Variants in RNF175 observed in about 807,000 individuals in gnomAD.
The protein encoded by RNF175 is ring finger protein 175.
In RNF175, 38 loss-of-function variants were observed where a neutral mutation model predicts 50.0. The observed-to-expected ratio is 0.76, with a 90% confidence interval of 0.59 to 1.00. The LOEUF (loss-of-function observed/expected upper bound fraction) is 1.00. Among genes scored for constraint, RNF175 ranks in the 50% least tolerant of loss-of-function variants. The pLI is 0.00. For synonymous variants in RNF175, 155 were observed against 146.1 expected (o/e 1.06, Z -0.44); for missense variants, 388 against 409.6 (o/e 0.95, Z 0.46).
chr4:153,718,878 C>A lies in RNF175; in HGVS notation c.630+1306G>T, dbSNP rs145125347. On this transcript the variant is annotated intron_variant, in intron 6 of 8. Coordinates refer to ENST00000347063, the MANE Select transcript of RNF175 (RefSeq NM_173662.4). ...GGGGAGGAAGTCAAGGTCATAGCCA[C>A]TTAGGTCCTGCTCCAGAAATGGAGG... 4.2e-3 allele frequency among the ~76,000 whole-genome samples: 636 copies of A among 152,294 alleles called. 5 individuals are homozygous for A. Among genetic ancestry groups the A allele is most frequent in the African/African-American group, 0.014 (574 of 41,558 alleles).
rs181124344 is a variant in RNF175 at position 153,715,646 on chromosome 4, C to T, written c.647G>A (p.Arg216Gln). Residue 216 changes from arginine to glutamine, a missense_variant, in exon 7 of 9, where the codon CGG becomes CAG. Transcript: ENST00000347063. ...GTCCGATAAGCTCCTTGTAGGCAACCGGCTGACACTGTAGAACTATCAGAG... is the reference window on the plus strand; with the variant it reads ...GTCCGATAAGCTCCTTGTAGGCAACTGGCTGACACTGTAGAACTATCAGAG... The part of the protein sequence containing the change: ...ASTIGFYSVS[R>Q]LPTRSLSDNI... The T allele has an allele frequency of 6.5e-4, 1,045 of 1,613,820 alleles. 6 individuals carry two copies. The African/African-American group carries it at 0.012, about 18-fold the overall frequency.
chr4:153,748,709 C>T lies in RNF175; in HGVS notation c.182G>A (p.Cys61Tyr), dbSNP rs567256300. The change falls in exon 3 of 9, where the codon TGC becomes TAC. Residue 61 changes from cysteine to tyrosine, a missense_variant. By Grantham distance (194) the Cys-to-Tyr change is radical. Coordinates refer to ENST00000347063, the MANE Select transcript of RNF175 (RefSeq NM_173662.4). ...CACTATCTGGGCAATGACCAGAACGCAGAGGAAGATCAAGATCATTTCCAC... is the reference window on the plus strand; with the variant it reads ...CACTATCTGGGCAATGACCAGAACGTAGAGGAAGATCAAGATCATTTCCAC... ...MHVEMILIFLCVLVIAQIVLV... is the reference protein window; with the variant it reads ...MHVEMILIFLYVLVIAQIVLV... 6.2e-7 allele frequency: 1 copy of T among 1,609,076 alleles called. No individual in the cohort carries two copies. Among genetic ancestry groups the T allele is most frequent in the South Asian group, 1.1e-5 (1 of 89,600 alleles).
chr4:153,721,307 T>A (rs1738328067), intron 5 of RNF175: 1 of 152,188 alleles, frequency 6.6e-6, no homozygotes, highest in Non-Finnish European at 1.5e-5. Context: ...TTCTGATTGA[T>A]TCAGGGAAGG....
At chr4:153,715,258 A>G (rs554721884) in intron 7 of RNF175, 2 of 474,452 alleles carry the variant, frequency 4.2e-6, no homozygotes, top group African/African-American at 3.9e-5. Context: ...TTCCCCTGCC[A>G]GCACCCTGCT....
At chr4:153,739,881 G>C (rs1312426142) in intron 3 of RNF175, among the ~76,000 whole-genome samples, 2 of 152,026 alleles carry the variant, frequency 1.3e-5, no homozygotes, top group Non-Finnish European at 2.9e-5. Flanking sequence ...GTGGTTTGGT[G>C]TCTCCTTAAT....
intron 3 of RNF175, among the ~76,000 whole-genome samples, chr4:153,743,212 G>C (rs1739772260): frequency 6.6e-6 from 1 of 152,168 alleles, no homozygotes; most frequent in Non-Finnish European, 1.5e-5. Flanking sequence ...AAGCTCAAAT[G>C]GTTGCAGACA....
At chr4:153,740,450 C>T (rs1048331764) in intron 3 of RNF175, among the ~76,000 whole-genome samples, 1 of 152,030 alleles carries the variant, frequency 6.6e-6, no homozygotes, top group African/African-American at 2.4e-5. Context: ...CATTTTTTTG[C>T]AGTGAGAACA....
chr4:153,726,902 T>A (rs1412034486), intron 4 of RNF175, among the ~76,000 whole-genome samples: 2 of 152,198 alleles, frequency 1.3e-5, no homozygotes, highest in Admixed American at 6.5e-5. Context: ...TGAGAGGACA[T>A]GCTTTGGGCA....
intron 4 of RNF175, among the ~76,000 whole-genome samples, chr4:153,724,411 T>G (rs990316983): frequency 2.6e-5 from 4 of 152,134 alleles, no homozygotes; most frequent in African/African-American, 9.7e-5. Context: ...AATGAAGAGG[T>G]GGCTAGAAAG....
chr4:153,722,922 T>C (rs1363144646), intron 5 of RNF175, among the ~76,000 whole-genome samples: 1 of 152,210 alleles, frequency 6.6e-6, no homozygotes, highest in African/African-American at 2.4e-5. Flanking sequence ...TTATTTCATA[T>C]TTTAGGTGTT....
At chr4:153,711,810 C>T (rs890434839) in intron 8 of RNF175, among the ~76,000 whole-genome samples, 1 of 152,162 alleles carries the variant, frequency 6.6e-6, no homozygotes, top group Admixed American at 6.5e-5. Context: ...CTTCCTGCGA[C>T]CTTAATGTGA....
Position 153,723,361 on chromosome 4 carries a change from G to T in RNF175, c.499C>A (p.Leu167Met). The change falls in exon 5 of 9, where the codon CTG (leucine) becomes ATG (methionine). Residue 167 changes from leucine (L) to methionine (M), a missense_variant. By Grantham distance (15) the Leu-to-Met change is conservative. Transcript: ENST00000347063. ...ATTGGAGATACTTACTTGAAAAACAGATTGAATCCACACATTGTAAACATG... is the reference window on the plus strand; with the variant it reads ...ATTGGAGATACTTACTTGAAAAACATATTGAATCCACACATTGTAAACATG... The part of the protein sequence containing the change: ...AIMFTMCGFN[L>M]FFKIKARDSM... 2 of 1,537,918 alleles carry T rather than the reference G, an allele frequency of 1.3e-6. No individual in the cohort carries two copies. Among genetic ancestry groups the T allele is most frequent in the South Asian group, 1.1e-5 (1 of 89,030 alleles).
chr4:153,720,232 C>A lies in RNF175; in HGVS notation c.582G>T (p.Gly194=). The A allele has an allele frequency of 6.2e-7, 1 of 1,612,600 alleles. No homozygotes were observed. The highest frequency in any genetic ancestry group is 1.3e-5 in the African/African-American group (1 of 74,718). ...CTGAGCAGATCTCGGCAAAGTCTCT[C>A]CCCATTACTCCATAGTAGAGGCCGT... The part of the protein sequence containing the change: ...LFYGLYYGVM[G]RDFAEICSDY... Residue 194 remains glycine, a synonymous_variant, in exon 6 of 9, where the codon GGG becomes GGT. Transcript: ENST00000347063.
At chr4:153,735,199 G>A (rs183450722) in intron 3 of RNF175, among the ~76,000 whole-genome samples, 9 of 150,930 alleles carry the variant, frequency 6.0e-5, no homozygotes, top group African/African-American at 1.9e-4. Context: ...TTTCTAAAAG[G>A]TGTATTGTAT....
At chr4:153,727,000 C>T (rs10517578) in intron 4 of RNF175, among the ~76,000 whole-genome samples, 7,106 of 152,242 alleles carry the variant, frequency 0.047, 303 homozygotes, top group East Asian at 0.25. Flanking sequence ...CTGCATTGCA[C>T]GAACTGATGT....
chr4:153,731,929 G>A lies in RNF175; in HGVS notation c.247-3568C>T, dbSNP rs145326857. ...CAATGAAGGAGAGTGTGAATATAAA[G>A]CAAGTAGGAAGAAAGTATGGGTTGG... On this transcript the variant is annotated intron_variant, in intron 3 of 8. Transcript: ENST00000347063. Among the ~76,000 whole-genome samples, 35 of 152,102 alleles carry A rather than the reference G, an allele frequency of 2.3e-4. No individual in the cohort carries two copies. In the East Asian group the frequency reaches 6.4e-3, roughly 28 times the overall value.
intron 3 of RNF175, among the ~76,000 whole-genome samples, chr4:153,739,903 A>G (rs1026120412): frequency 1.3e-5 from 2 of 152,128 alleles, no homozygotes; most frequent in South Asian, 2.1e-4. Flanking sequence ...TTGAAAAATT[A>G]TTGGTCATTA....
At chr4:153,726,859 CT>C (rs1354181475) in intron 4 of RNF175, among the ~76,000 whole-genome samples, 2 of 152,188 alleles carry the variant, frequency 1.3e-5, no homozygotes, top group African/African-American at 2.4e-5. Context: ...AGACTATCCT[CT>C]AGGGCTTGGA....
chr4:153,744,151 G>C (rs766322743), intron 3 of RNF175, among the ~76,000 whole-genome samples: 1 of 152,222 alleles, frequency 6.6e-6, no homozygotes, highest in Non-Finnish European at 1.5e-5. Context: ...GCCAGGCGCA[G>C]TGGCTCATAC....
Sources: allele counts gnomAD v4.1 joint callset (sites outside exome capture counted in the v4.1 genomes callset), GRCh38; gene constraint gnomAD v4.1.1; transcripts MANE v1.5; gene names NCBI Gene and HGNC (gene_info 2026-07-23, HGNC 2026-07-21).